JAZF1: variants seen among roughly 807,000 people sequenced by gnomAD.
JAZF1 encodes the protein juxtaposed with another zinc finger protein 1.
Under a neutral mutation model 26.4 loss-of-function variants are expected in JAZF1, and 8 were observed. The ratio of observed to expected loss-of-function variants is 0.30; its 90% CI spans 0.18 to 0.55. The LOEUF is 0.55. Among genes scored for constraint, JAZF1 ranks in the 20% least tolerant of loss-of-function variants. The pLI is 0.94. For missense variants in JAZF1, 199 were observed against 322.0 expected, an observed-to-expected ratio of 0.62 and a Z score of 2.92; for synonymous variants, 126 against 122.3, an observed-to-expected ratio of 1.03 and a Z score of -0.20.
chr7:28,004,763 G>A (rs1010406264), intron 1 of JAZF1, among the ~76,000 whole-genome samples: 3 of 151,808 alleles, frequency 2.0e-5, no homozygotes, highest in Admixed American at 1.3e-4. Context: ...AGTGATTCTC[G>A]TGCCTTGGTC....
At chr7:28,164,396 C>G (rs1314727170) in intron 1 of JAZF1, among the ~76,000 whole-genome samples, 1 of 152,210 alleles carries the variant, frequency 6.6e-6, no homozygotes, top group African/African-American at 2.4e-5. Flanking sequence ...TGATTTTTCT[C>G]TTGAACTTCA....
intron 3 of JAZF1, among the ~76,000 whole-genome samples, chr7:27,850,257 A>C (rs1369613506): frequency 6.6e-6 from 1 of 152,226 alleles, no homozygotes; most frequent in African/African-American, 2.4e-5. Flanking sequence ...CAACAAGTCT[A>C]AATGAATTGG....
chr7:28,105,359 G>T (rs754693348), intron 1 of JAZF1, among the ~76,000 whole-genome samples: 1 of 152,126 alleles, frequency 6.6e-6, no homozygotes, highest in Non-Finnish European at 1.5e-5. Flanking sequence ...TTTAGTTACC[G>T]CAGATAAACT....
intron 1 of JAZF1, among the ~76,000 whole-genome samples, chr7:28,026,179 T>C (rs566376402): frequency 2.0e-5 from 3 of 152,228 alleles, no homozygotes; most frequent in African/African-American, 7.2e-5. Context: ...CCTCATCCTG[T>C]TGCTAATAGC....
chr7:28,110,503 GAAAA>G (rs1562590909), intron 1 of JAZF1, among the ~76,000 whole-genome samples: 31 of 81,012 alleles, frequency 3.8e-4, no homozygotes, highest in South Asian at 9.8e-4. Context: ...GAAAGGAAAG[GAAAA>G]GGAAAGGAAA....
chr7:28,057,478 C>A (rs1783730932), intron 1 of JAZF1, among the ~76,000 whole-genome samples: 1 of 152,188 alleles, frequency 6.6e-6, no homozygotes, highest in Non-Finnish European at 1.5e-5. Context: ...AATCCTCAAT[C>A]ATCTTATGTG....
chr7:27,868,698 G>T (rs1368929044), intron 3 of JAZF1, among the ~76,000 whole-genome samples: 1 of 152,204 alleles, frequency 6.6e-6, no homozygotes, highest in Non-Finnish European at 1.5e-5. Flanking sequence ...CTCCTGGAAA[G>T]AGAGAGCATG....
At position 27,979,366 on chromosome 7, in the gene JAZF1, ATTTTTTTTTTTTTTTTTTTTT is replaced by A. The variant is rs55737757; in HGVS notation, c.188+12522_188+12542del. On this transcript the variant is annotated intron_variant, in intron 2 of 4. Transcript: ENST00000283928. ...TAACAGGCGTGGCCAGGTACACTAC[ATTTTTTTTTTTTTTTTTTTTT>A]TTTTTTTTTTTTTTTTTTAGAAACA... Among the ~76,000 whole-genome samples, 412 of 58,458 alleles carry A rather than the reference ATTTTTTTTTTTTTTTTTTTTT, an allele frequency of 7.0e-3. 2 individuals are homozygous for A. The highest frequency in any genetic ancestry group is 9.4e-3 in the African/African-American group (142 of 15,062). 38.4% of individuals were successfully genotyped at this position (58,458 alleles called of 152,430 possible). A position where few individuals can be genotyped will look rare whatever the true frequency, so the allele number is the denominator to read the frequency against.
At chr7:28,001,501 C>G (rs1786161467) in intron 1 of JAZF1, among the ~76,000 whole-genome samples, 1 of 152,178 alleles carries the variant, frequency 6.6e-6, no homozygotes, top group African/African-American at 2.4e-5. Context: ...AGAGGAACTT[C>G]TTGAAAGAAA....
Position 27,979,366 on chromosome 7 carries a change from ATTTTTTTTTTTTTTT to A in JAZF1, c.188+12528_188+12542del, listed in dbSNP as rs55737757. ...TAACAGGCGTGGCCAGGTACACTAC[ATTTTTTTTTTTTTTT>A]TTTTTTTTTTTTTTTTTTTTTTTTA... On this transcript the variant is annotated intron_variant, in intron 2 of 4. Transcript: ENST00000283928. Among the ~76,000 whole-genome samples the A allele has an allele frequency of 3.9e-3, 226 of 58,420 alleles. 4 individuals carry two copies. Among genetic ancestry groups the A allele is most frequent in the South Asian group, 0.013 (19 of 1,436 alleles). The allele number at this position is 58,420 out of a possible 152,430, so 38.3% of individuals were successfully genotyped here.
At chr7:28,022,886 AGCTGGGATTACAG>A (rs970959199) in intron 1 of JAZF1, among the ~76,000 whole-genome samples, 2 of 152,182 alleles carry the variant, frequency 1.3e-5, no homozygotes, top group African/African-American at 4.8e-5. Flanking sequence ...CCTCCCGAGT[AGCTGGGATTACAG>A]GCACGTGCCA....
intron 2 of JAZF1, among the ~76,000 whole-genome samples, chr7:27,940,157 G>A (rs117034173): frequency 0.021 from 3,262 of 152,224 alleles, 59 homozygotes; most frequent in Non-Finnish European, 0.03. Context: ...GCATGCCCCC[G>A]GTACCATTCT....
chr7:27,954,339 A>T (rs982075105), intron 2 of JAZF1, among the ~76,000 whole-genome samples: 4 of 152,134 alleles, frequency 2.6e-5, no homozygotes, highest in Non-Finnish European at 4.4e-5. Context: ...GGCCCCTGGA[A>T]GCTCAGTGCC....
At chr7:27,908,097 T>G (rs1340623533) in intron 2 of JAZF1, among the ~76,000 whole-genome samples, 1 of 152,166 alleles carries the variant, frequency 6.6e-6, no homozygotes, top group Non-Finnish European at 1.5e-5. Context: ...AGAGAGAAAG[T>G]TGAGTATGTC....
At chr7:27,944,177 C>T (rs1784893778) in intron 2 of JAZF1, among the ~76,000 whole-genome samples, 1 of 152,182 alleles carries the variant, frequency 6.6e-6, no homozygotes, top group African/African-American at 2.4e-5. Context: ...AAAGGAACTA[C>T]ATCTTGCCGA....
intron 1 of JAZF1, among the ~76,000 whole-genome samples, chr7:28,064,736 T>C (rs1265101362): frequency 6.6e-6 from 1 of 152,200 alleles, no homozygotes; most frequent in Non-Finnish European, 1.5e-5. Flanking sequence ...AAGAAGTTTT[T>C]TTGTTTTTTG....
At chr7:28,094,234 A>G (rs189514549) in intron 1 of JAZF1, among the ~76,000 whole-genome samples, 10 of 152,310 alleles carry the variant, frequency 6.6e-5, no homozygotes, top group African/African-American at 2.2e-4. Flanking sequence ...GAGAGGATCT[A>G]AAAGTAAATC....
intron 1 of JAZF1, among the ~76,000 whole-genome samples, chr7:28,069,570 C>T (rs544046757): frequency 2.6e-5 from 4 of 152,158 alleles, no homozygotes; most frequent in South Asian, 2.1e-4. Flanking sequence ...TGAGAGGTAC[C>T]GAGGGAGAGG....
intron 3 of JAZF1, among the ~76,000 whole-genome samples, chr7:27,850,750 T>A (rs889657196): frequency 2.6e-5 from 4 of 152,002 alleles, no homozygotes; most frequent in African/African-American, 9.7e-5. Context: ...GCCCTGGGCC[T>A]CATCATGACC....
Sources: gnomAD v4.1 joint callset for allele counts (sites outside exome capture counted in the v4.1 genomes callset) on GRCh38, gnomAD v4.1.1 for gene constraint, MANE v1.5 for transcripts, NCBI Gene and HGNC (gene_info 2026-07-23, HGNC 2026-07-21) for gene names.